Variants in ADGRL2 observed in about 807,000 individuals in gnomAD.
The protein encoded by ADGRL2 is calcium-independent alpha-latrotoxin receptor 2.
ADGRL2 carries 44 observed loss-of-function variants against 157.4 expected under a neutral mutation model. That is an observed-to-expected ratio of 0.28 (90% CI 0.22 to 0.36). ADGRL2 has a LOEUF of 0.36. ADGRL2 is among the 10% of genes least tolerant of loss of function. The pLI is 1.00. For missense variants in ADGRL2, 1,510 were observed against 1,768.9 expected, an observed-to-expected ratio of 0.85 and a Z score of 2.63; for synonymous variants, 585 against 624.7, an observed-to-expected ratio of 0.94 and a Z score of 0.95.
At chr1:81,764,754 T>C (rs896659461) in intron 2 of ADGRL2, among the ~76,000 whole-genome samples, 1 of 152,084 alleles carries the variant, frequency 6.6e-6, no homozygotes, top group African/African-American at 2.4e-5. Context: ...GTGGTTAAAG[T>C]AGAGGGTTAT....
At chr1:81,760,296 G>A (rs138240126) in intron 1 of ADGRL2, among the ~76,000 whole-genome samples, 75 of 152,206 alleles carry the variant, frequency 4.9e-4, no homozygotes, top group African/African-American at 1.7e-3. Context: ...AGCTGCTGAG[G>A]CAACTGAATG....
chr1:81,351,172 G>A (rs941078819), intron 1 of ADGRL2, among the ~76,000 whole-genome samples: 2 of 151,696 alleles, frequency 1.3e-5, no homozygotes, highest in African/African-American at 2.4e-5. Context: ...AAAGTTGCAG[G>A]AGCCTGGAAC....
chr1:81,654,390 C>T (rs749779959), intron 3 of ADGRL2, among the ~76,000 whole-genome samples: 4 of 152,156 alleles, frequency 2.6e-5, no homozygotes, highest in Non-Finnish European at 4.4e-5. Context: ...TGTGCTTCAG[C>T]CTTTCCATTA....
intron 2 of ADGRL2, among the ~76,000 whole-genome samples, chr1:81,788,526 C>T: frequency 6.6e-6 from 1 of 152,286 alleles, no homozygotes; most frequent in Non-Finnish European, 1.5e-5. Context: ...TCTGAAGAAA[C>T]ATGAGCCAAA....
intron 2 of ADGRL2, among the ~76,000 whole-genome samples, chr1:81,495,208 G>C (rs893782727): frequency 6.6e-6 from 1 of 152,058 alleles, no homozygotes; most frequent in Admixed American, 6.6e-5. Flanking sequence ...CCCAATAAGG[G>C]AGCTTACGTA....
chr1:81,963,490 A>T (rs1018067217), intron 11 of ADGRL2, among the ~76,000 whole-genome samples: 1 of 151,882 alleles, frequency 6.6e-6, no homozygotes, highest in Non-Finnish European at 1.5e-5. Context: ...GTTTTTCACT[A>T]TTGTTTGCTA....
intron 2 of ADGRL2, among the ~76,000 whole-genome samples, chr1:81,864,930 G>T (rs964941769): frequency 6.6e-5 from 10 of 152,138 alleles, no homozygotes; most frequent in South Asian, 2.1e-4. Context: ...AGGTTGCAGT[G>T]AGCCAAGATC....
intron 2 of ADGRL2, among the ~76,000 whole-genome samples, chr1:81,509,568 A>G (rs1461325689): frequency 1.3e-5 from 2 of 152,188 alleles, no homozygotes; most frequent in Non-Finnish European, 2.9e-5. Context: ...TTGTGGTAGA[A>G]ATCATATTAC....
At chr1:81,444,486 C>T (rs189108340) in intron 1 of ADGRL2, among the ~76,000 whole-genome samples, 4 of 152,294 alleles carry the variant, frequency 2.6e-5, no homozygotes, top group East Asian at 1.9e-4. Context: ...TGTAAAGACT[C>T]GCTTTCTGAT....
At chr1:81,368,666 C>A (rs2076108820) in intron 1 of ADGRL2, among the ~76,000 whole-genome samples, 1 of 152,170 alleles carries the variant, frequency 6.6e-6, no homozygotes, top group Non-Finnish European at 1.5e-5. Context: ...ATGATTTCAA[C>A]ATCTACCTTT....
chr1:81,859,167 T>C (rs534272442), intron 2 of ADGRL2, among the ~76,000 whole-genome samples: 1 of 152,318 alleles, frequency 6.6e-6, no homozygotes, highest in African/African-American at 2.4e-5. Context: ...TTTTTACCTT[T>C]TAATAATTTG....
intron 1 of ADGRL2, among the ~76,000 whole-genome samples, chr1:81,835,399 C>G (rs2092219459): frequency 6.6e-6 from 1 of 152,118 alleles, no homozygotes; most frequent in Admixed American, 6.6e-5. Context: ...GATTATCTGA[C>G]TTTTTAAAAT....
At chr1:81,606,677 C>T (rs936900187) in intron 3 of ADGRL2, among the ~76,000 whole-genome samples, 3 of 151,830 alleles carry the variant, frequency 2.0e-5, no homozygotes, top group Non-Finnish European at 4.4e-5. Context: ...TTTTTCATCC[C>T]TGTCTCTCAC....
intron 2 of ADGRL2, among the ~76,000 whole-genome samples, chr1:81,547,979 G>A (rs997269800): frequency 3.3e-5 from 5 of 152,266 alleles, no homozygotes; most frequent in Admixed American, 2.0e-4. Flanking sequence ...CAACAACCCT[G>A]TTATGAAAGT....
chr1:81,878,844 TA>T (rs1186640267), intron 2 of ADGRL2, among the ~76,000 whole-genome samples: 15 of 152,168 alleles, frequency 9.9e-5, no homozygotes, highest in Admixed American at 9.8e-4. Context: ...ATTTCTTTTC[TA>T]AAAAGACACA....
At chr1:81,664,364 C>T (rs1048720848) in intron 3 of ADGRL2, among the ~76,000 whole-genome samples, 1 of 151,782 alleles carries the variant, frequency 6.6e-6, no homozygotes, top group Non-Finnish European at 1.5e-5. Flanking sequence ...ATGTGTACAC[C>T]CCCTCAGAAA....
intron 19 of ADGRL2, among the ~76,000 whole-genome samples, chr1:81,982,472 A>G (rs1431768666): frequency 6.6e-6 from 1 of 151,922 alleles, no homozygotes; most frequent in Non-Finnish European, 1.5e-5. Context: ...TCCTGATTTT[A>G]TGTTAAGTGG....
intron 3 of ADGRL2, among the ~76,000 whole-genome samples, chr1:81,616,932 C>A (rs1324801035): frequency 6.6e-6 from 1 of 152,180 alleles, no homozygotes; most frequent in South Asian, 2.1e-4. Flanking sequence ...CCCACCTTGG[C>A]CTCCCAAAGT....
chr1:81,738,961 A>C (rs2084986733), intron 1 of ADGRL2, among the ~76,000 whole-genome samples: 3 of 152,138 alleles, frequency 2.0e-5, no homozygotes, highest in Admixed American at 2.0e-4. Context: ...GTGCTTCTCT[A>C]TGCCTGCTAC....
Sources: gnomAD v4.1 joint callset for allele counts (sites outside exome capture counted in the v4.1 genomes callset) on GRCh38, gnomAD v4.1.1 for gene constraint, MANE v1.5 for transcripts, NCBI Gene and HGNC (gene_info 2026-07-23, HGNC 2026-07-21) for gene names.